Variants in SPRED2 observed in about 807,000 individuals in gnomAD.
SPRED2 encodes sprouty-related, EVH1 domain-containing protein 2.
Under a neutral mutation model 43.0 loss-of-function variants are expected in SPRED2, and 47 were observed. The ratio of observed to expected loss-of-function variants is 1.09; its 90% confidence interval spans 0.87 to 1.40. The LOEUF (loss-of-function observed/expected upper bound fraction) is 1.40, where lower values mean the gene tolerates loss of function less well. Ranked by LOEUF, SPRED2 falls within the 40% of genes most tolerant of loss-of-function variation. The pLI, the probability that SPRED2 is intolerant of heterozygous loss-of-function variation, is 0.00. For missense variants in SPRED2, 561 were observed against 586.4 expected (o/e 0.96, Z 0.45); for synonymous variants, 225 against 225.7 (o/e 1.00, Z 0.03).
rs922974932 is a variant in SPRED2 at position 65,312,047 on chromosome 2, T to C, written c.*1454A>G. 5.1e-6 allele frequency: 5 copies of C among 985,236 alleles called. No homozygotes were observed. The highest frequency in any genetic ancestry group is 3.5e-5 in the African/African-American group (2 of 57,218). The allele number at this position is 985,236 out of a possible 1,614,324, so 61.0% of individuals were successfully genotyped here. On this transcript the variant is annotated 3_prime_UTR_variant, in exon 6 of 6. Coordinates refer to ENST00000356388, the MANE Select transcript of SPRED2 (RefSeq NM_181784.3). ...CCCGGTGGTCTCCACGAGGTTCTGA[T>C]TGTACTATGCTAGGTATAGGTAACC...
At position 65,344,844 on chromosome 2, in the gene SPRED2, T is replaced by C. The variant is rs1325008840; in HGVS notation, c.79A>G (p.Ser27Gly). 1 of 1,614,138 alleles carries C rather than the reference T, an allele frequency of 6.2e-7. No individual in the cohort carries two copies. The highest frequency in any genetic ancestry group is 8.5e-7 in the Non-Finnish European group (1 of 1,180,032). Residue 27 changes from serine to glycine, a missense_variant, in exon 2 of 6, where the codon AGC becomes GGC. Around this residue, in one of 6 missense-constraint regions of SPRED2, gnomAD observed 305 missense variants for 282.4 expected, o/e 1.08. Transcript: ENST00000356388. ...CCTTCCTGTGGGAACCATCCCCCGC[T>C]GGAGTCATCTCTGGTCATAACCACA... ...KAVVMTRDDS[S>G]GGWFPQEGGG...
At chr2:65,401,937 G>GCGCGCACACACACACACACACACA (rs776512353) in intron 1 of SPRED2, among the ~76,000 whole-genome samples, 8 of 114,762 alleles carry the variant, frequency 7.0e-5, no homozygotes, top group South Asian at 2.6e-4. Context: ...GCGCGCGCGC[G>GCGCGCACACACACACACACACACA]CACACACACA....
chr2:65,423,921 C>T (rs1182983796), intron 1 of SPRED2, among the ~76,000 whole-genome samples: 3 of 152,084 alleles, frequency 2.0e-5, no homozygotes, highest in Admixed American at 2.0e-4. Flanking sequence ...TCCCGAGTAG[C>T]TGGGATTACA....
downstream of SPRED2, among the ~76,000 whole-genome samples, chr2:65,308,760 C>A (rs1558641904): frequency 6.6e-6 from 1 of 152,208 alleles, no homozygotes. Context: ...CTAGTAATGG[C>A]AGAAAGGCTG....
rs563292738 is a variant in SPRED2 at position 65,327,493 on chromosome 2, C to T, written c.438+4494G>A. Among the ~76,000 whole-genome samples, 35 of 152,126 alleles carry T rather than the reference C, an allele frequency of 2.3e-4. 1 individual carries two copies. Among genetic ancestry groups the T allele is most frequent in the South Asian group, 1.5e-3 (7 of 4,820 alleles). On this transcript the variant is annotated intron_variant, in intron 4 of 5. Coordinates refer to ENST00000356388, the MANE Select transcript of SPRED2 (RefSeq NM_181784.3). Reference sequence around the variant, plus strand: ...TTTAGCCACTATAGGTATTACATGTCGATAAAAAGATCCTCCTCTTACAGC... The same window carrying T: ...TTTAGCCACTATAGGTATTACATGTTGATAAAAAGATCCTCCTCTTACAGC...
chr2:65,401,930 C>CGT (rs1553426586), intron 1 of SPRED2, among the ~76,000 whole-genome samples: 31 of 101,302 alleles, frequency 3.1e-4, no homozygotes, highest in East Asian at 2.7e-4. Flanking sequence ...AATATTAGCG[C>CGT]GCGCGCGCAC....
intron 1 of SPRED2, among the ~76,000 whole-genome samples, chr2:65,401,811 A>G (rs1334293654): frequency 6.6e-6 from 1 of 151,836 alleles, no homozygotes; most frequent in Non-Finnish European, 1.5e-5. Flanking sequence ...AAAAATAAAT[A>G]AATAAATAAA....
chr2:65,401,972 C>CA (rs1292698706), intron 1 of SPRED2, among the ~76,000 whole-genome samples: 21 of 150,940 alleles, frequency 1.4e-4, no homozygotes, highest in Admixed American at 2.6e-4. Context: ...CACACACACA[C>CA]ACCTGTTAAT....
intron 1 of SPRED2, among the ~76,000 whole-genome samples, chr2:65,402,844 C>A (rs916340707): frequency 2.0e-5 from 3 of 152,076 alleles, no homozygotes; most frequent in African/African-American, 7.2e-5. Flanking sequence ...TGCAGAAAAT[C>A]ATAATTAGGG....
In SPRED2 at chr2:65,311,191, T is replaced by C. The variant is rs1474611764; in HGVS notation, c.*2310A>G. The C allele has an allele frequency of 2.3e-5, 23 of 985,726 alleles. No homozygotes were observed. The highest frequency in any genetic ancestry group is 2.5e-5 in the Non-Finnish European group (21 of 829,908). 61.1% of individuals were successfully genotyped at this position (985,726 alleles called of 1,614,324 possible). ...AATCTGAATAATTTCTCTCAAATGATTGACGTCAGTATGGCAAAGCTGACT... is the reference window on the plus strand; with the variant it reads ...AATCTGAATAATTTCTCTCAAATGACTGACGTCAGTATGGCAAAGCTGACT... On this transcript the variant is annotated 3_prime_UTR_variant, in exon 6 of 6. Transcript: ENST00000356388.
intron 2 of SPRED2, among the ~76,000 whole-genome samples, chr2:65,337,295 T>C (rs62139092): frequency 1.8e-4 from 28 of 152,272 alleles, no homozygotes; most frequent in Admixed American, 4.6e-4. Flanking sequence ...TGGTGAAGTT[T>C]TGGCACGCAC....
At chr2:65,414,963 A>T (rs6731993) in intron 1 of SPRED2, among the ~76,000 whole-genome samples, 65,763 of 151,348 alleles carry the variant, frequency 0.43, 15,270 homozygotes, top group African/African-American at 0.59. Flanking sequence ...GTTTAAAAAA[A>T]TTTTTTTTTG....
intron 1 of SPRED2, among the ~76,000 whole-genome samples, chr2:65,371,339 T>C (rs978022709): frequency 2.6e-5 from 4 of 152,196 alleles, no homozygotes; most frequent in Non-Finnish European, 2.9e-5. Context: ...TTATGTTCTC[T>C]TGAAAAAAGA....
chr2:65,341,128 T>TGTGTGC (rs1491127199), intron 2 of SPRED2, among the ~76,000 whole-genome samples: 30 of 143,282 alleles, frequency 2.1e-4, no homozygotes, highest in African/African-American at 6.7e-4. Context: ...TGTGTGTGTG[T>TGTGTGC]GCATGTGCAT....
At chr2:65,392,477 C>T (rs1445085589) in intron 1 of SPRED2, among the ~76,000 whole-genome samples, 2 of 152,176 alleles carry the variant, frequency 1.3e-5, no homozygotes, top group Non-Finnish European at 2.9e-5. Context: ...AACCCAGTCT[C>T]TTCCAAAACT....
At chr2:65,420,342 G>A (rs184111658) in intron 1 of SPRED2, among the ~76,000 whole-genome samples, 17 of 152,056 alleles carry the variant, frequency 1.1e-4, no homozygotes, top group East Asian at 3.9e-4. Context: ...ACAGGCCTTC[G>A]TATTTTTAGT....
chr2:65,386,049 C>G (rs756438195), intron 1 of SPRED2, among the ~76,000 whole-genome samples: 1 of 152,050 alleles, frequency 6.6e-6, no homozygotes. Context: ...CTTTGGGAAG[C>G]GGGGGCGGGA....
intron 1 of SPRED2, among the ~76,000 whole-genome samples, chr2:65,421,355 G>C (rs1676418537): frequency 2.0e-5 from 3 of 152,148 alleles, no homozygotes. Flanking sequence ...ATTAGGGTCT[G>C]GACAATGAAG....
intron 4 of SPRED2, among the ~76,000 whole-genome samples, chr2:65,317,898 T>G (rs1235340792): frequency 1.3e-5 from 2 of 152,080 alleles, no homozygotes; most frequent in Non-Finnish European, 2.9e-5. Flanking sequence ...GATGTCAAGT[T>G]AAGACTGGAG....
Sources: gnomAD v4.1 joint callset for allele counts (sites outside exome capture counted in the v4.1 genomes callset) on GRCh38, gnomAD v4.1.1 for gene constraint, gnomAD v4.1.1 regional missense constraint, MANE v1.5 for transcripts, NCBI Gene and HGNC (gene_info 2026-07-23, HGNC 2026-07-21) for gene names.